Variants in NBEA observed in about 807,000 individuals in gnomAD.
NBEA encodes the protein lysosomal-trafficking regulator 2.
In NBEA, 44 loss-of-function variants were observed where a neutral mutation model predicts 343.4. The observed-to-expected ratio is 0.13, with a 90% confidence interval of 0.10 to 0.16. The LOEUF (loss-of-function observed/expected upper bound fraction) is 0.16, where lower values mean the gene tolerates loss of function less well. Ranked by LOEUF, NBEA falls within the 10% of genes least tolerant of loss-of-function variation. The pLI is 1.00. For synonymous variants in NBEA, 1,175 were observed against 1,238.7 expected (o/e 0.95, Z 1.08); for missense variants, 2,555 against 3,631.3 (o/e 0.70, Z 7.62).
intron 13 of NBEA, among the ~76,000 whole-genome samples, chr13:35,116,729 T>G (rs1426278566): frequency 6.6e-6 from 1 of 151,848 alleles, no homozygotes; most frequent in Non-Finnish European, 1.5e-5. Flanking sequence ...TCTAGCTTCA[T>G]TTTTTAAAAG....
At chr13:35,089,248 A>G (rs2064939578) in intron 10 of NBEA, among the ~76,000 whole-genome samples, 2 of 135,646 alleles carry the variant, frequency 1.5e-5, no homozygotes, top group African/African-American at 2.8e-5. Flanking sequence ...AAGTGGGCGA[A>G]GGACATGAAC....
chr13:35,284,120 C>T (rs1029617581), intron 34 of NBEA, among the ~76,000 whole-genome samples: 1 of 152,134 alleles, frequency 6.6e-6, no homozygotes, highest in Non-Finnish European at 1.5e-5. Context: ...CTTTGTACCA[C>T]ATGCCAGAGT....
chr13:35,118,489 T>A lies in NBEA; in HGVS notation c.2243+15T>A. 1 of 1,532,854 alleles carries A rather than the reference T, an allele frequency of 6.5e-7. No homozygotes were observed. The highest frequency in any genetic ancestry group is 1.2e-5 in the South Asian group (1 of 84,198). The allele number at this position is 1,532,854 out of a possible 1,614,324, so 95.0% of individuals were successfully genotyped here. ...AATGGAATAAGGTATGATTATAATA[T>A]TAGTATTACTATTAGACTTTAATGG... On this transcript the variant is annotated intron_variant, in intron 16 of 58. Transcript: ENST00000379939.
chr13:35,273,534 A>C (rs1285731967), intron 34 of NBEA, among the ~76,000 whole-genome samples: 1 of 152,192 alleles, frequency 6.6e-6, no homozygotes, highest in Non-Finnish European at 1.5e-5. Context: ...AAGGAGATAG[A>C]GACACAAAAA....
chr13:35,275,740 G>A (rs985688617), intron 34 of NBEA, among the ~76,000 whole-genome samples: 16 of 151,926 alleles, frequency 1.1e-4, no homozygotes, highest in African/African-American at 3.4e-4. Flanking sequence ...TGCAGCCAAC[G>A]GACACATGAA....
chr13:35,048,543 CT>C lies in NBEA; in HGVS notation c.724-16del. 6.3e-7 allele frequency: 1 copy of C among 1,596,394 alleles called. No individual in the cohort carries two copies. Among genetic ancestry groups the C allele is most frequent in the Non-Finnish European group, 8.5e-7 (1 of 1,171,974 alleles). ...ATTTCTTTAACTGATACTTTCGTAC[CT>C]TTTCTCATTGCCTTGTAGGCAATTG... is the stretch of plus-strand genomic sequence containing the variant. On this transcript the variant is annotated intron_variant, in intron 4 of 58. Transcript: ENST00000379939.
chr13:35,557,723 G>C (rs2079645031), intron 44 of NBEA, among the ~76,000 whole-genome samples: 1 of 152,060 alleles, frequency 6.6e-6, no homozygotes, highest in Non-Finnish European at 1.5e-5. Context: ...ATGAATAAGT[G>C]AAATACACGT....
intron 40 of NBEA, among the ~76,000 whole-genome samples, chr13:35,459,018 C>CCCA (rs1491182889): frequency 2.2e-5 from 2 of 90,174 alleles, no homozygotes; most frequent in Non-Finnish European, 4.1e-5. Flanking sequence ...CCCCCCCCCC[C>CCCA]ACACACACAC....
chr13:35,193,748 A>G (rs2072374257), intron 30 of NBEA, among the ~76,000 whole-genome samples: 2 of 151,980 alleles, frequency 1.3e-5, no homozygotes, highest in South Asian at 2.1e-4. Context: ...TGGTCATCCA[A>G]TATGAATGTT....
intron 35 of NBEA, among the ~76,000 whole-genome samples, chr13:35,294,858 A>T (rs1452190363): frequency 3.3e-5 from 5 of 152,022 alleles, no homozygotes; most frequent in Non-Finnish European, 7.4e-5. Flanking sequence ...GATGCAAGGT[A>T]TCCTATTCAG....
At chr13:35,588,172 A>G (rs1341192996) in intron 46 of NBEA, among the ~76,000 whole-genome samples, 2 of 152,134 alleles carry the variant, frequency 1.3e-5, no homozygotes, top group Non-Finnish European at 2.9e-5. Context: ...TCAAGTGCTC[A>G]ATAGTGACAT....
At chr13:35,130,075 T>C (rs2067333319) in intron 17 of NBEA, among the ~76,000 whole-genome samples, 1 of 152,156 alleles carries the variant, frequency 6.6e-6, no homozygotes, top group Non-Finnish European at 1.5e-5. Context: ...TATTTTTATT[T>C]GCATTTAAAA....
intron 17 of NBEA, among the ~76,000 whole-genome samples, chr13:35,140,019 A>T (rs1420656120): frequency 6.6e-6 from 1 of 151,982 alleles, no homozygotes; most frequent in Non-Finnish European, 1.5e-5. Flanking sequence ...TAGCCTACTT[A>T]ATTAATTAGT....
At chr13:35,491,676 T>C (rs1350882) in intron 41 of NBEA, among the ~76,000 whole-genome samples, 148,828 of 151,914 alleles carry the variant, frequency 0.98, 72,979 homozygotes, top group East Asian at 1. Context: ...TGGTGCCCAT[T>C]ATCCTGTATG....
intron 41 of NBEA, among the ~76,000 whole-genome samples, chr13:35,541,189 C>A (rs914651866): frequency 1.3e-5 from 2 of 151,560 alleles, no homozygotes; most frequent in Non-Finnish European, 2.9e-5. Context: ...GTTGCCCCCC[C>A]ACCCCCAGCA....
chr13:35,030,337 T>A (rs530450801), intron 1 of NBEA, among the ~76,000 whole-genome samples: 1 of 151,828 alleles, frequency 6.6e-6, no homozygotes, highest in African/African-American at 2.4e-5. Flanking sequence ...AAAATCATTG[T>A]TTCCTCATTT....
At chr13:35,618,915 A>C (rs1330303421) in intron 48 of NBEA, among the ~76,000 whole-genome samples, 1 of 152,040 alleles carries the variant, frequency 6.6e-6, no homozygotes, top group Non-Finnish European at 1.5e-5. Context: ...TGCTGGGCCA[A>C]GTACAGGCTG....
intron 34 of NBEA, among the ~76,000 whole-genome samples, chr13:35,244,950 T>G (rs931719678): frequency 1.3e-5 from 2 of 152,164 alleles, no homozygotes; most frequent in African/African-American, 4.8e-5. Flanking sequence ...TACATTAACT[T>G]TATATACTGA....
intron 10 of NBEA, among the ~76,000 whole-genome samples, chr13:35,071,683 G>T (rs532158706): frequency 6.6e-6 from 1 of 151,790 alleles, no homozygotes; most frequent in Non-Finnish European, 1.5e-5. Context: ...GCTCCTTAAT[G>T]GGTTATCTAA....
Sources: gnomAD v4.1 joint callset for allele counts (sites outside exome capture counted in the v4.1 genomes callset) on GRCh38, gnomAD v4.1.1 for gene constraint, MANE v1.5 for transcripts, NCBI Gene and HGNC (gene_info 2026-07-23, HGNC 2026-07-21) for gene names.